The following OXR1 variants were observed in gnomAD, a reference collection of about 807,000 sequenced individuals.
OXR1 encodes the protein oxidation resistance 1.
OXR1 carries 41 observed loss-of-function variants against 104.6 expected under a neutral mutation model. That is an observed-to-expected ratio of 0.39 (90% CI 0.31 to 0.51). The LOEUF (loss-of-function observed/expected upper bound fraction) is 0.51. OXR1 is among the 20% of genes least tolerant of loss of function. The pLI is 0.77. For synonymous variants in OXR1, 348 were observed against 348.4 expected, an observed-to-expected ratio of 1.00 and a Z score of 0.01; for missense variants, 955 against 1,031.9, an observed-to-expected ratio of 0.93 and a Z score of 1.02.
intron 2 of OXR1, among the ~76,000 whole-genome samples, chr8:106,423,936 TG>T (rs1443760880): frequency 1.3e-5 from 2 of 152,126 alleles, no homozygotes; most frequent in African/African-American, 4.8e-5. Context: ...CTTGATTTTT[TG>T]TTTGTTTTTG....
chr8:106,295,243 C>T (rs149477880), intron 1 of OXR1, among the ~76,000 whole-genome samples: 106 of 152,174 alleles, frequency 7.0e-4, no homozygotes, highest in African/African-American at 2.4e-3. Context: ...GTTGCAACCT[C>T]AAATATAAGG....
intron 2 of OXR1, among the ~76,000 whole-genome samples, chr8:106,514,647 A>G (rs897379468): frequency 6.6e-6 from 1 of 152,146 alleles, no homozygotes; most frequent in East Asian, 1.9e-4. Flanking sequence ...AGATGCTTAT[A>G]TATTTTGTAG....
intron 2 of OXR1, among the ~76,000 whole-genome samples, chr8:106,409,692 C>T (rs963217992): frequency 5.9e-5 from 9 of 152,052 alleles, no homozygotes; most frequent in African/African-American, 2.2e-4. Context: ...TTTATTTTAG[C>T]GGGATGATAT....
intron 1 of OXR1, among the ~76,000 whole-genome samples, chr8:106,271,212 A>G (rs1357561798): frequency 1.1e-4 from 16 of 152,154 alleles, no homozygotes; most frequent in Admixed American, 1.0e-3. Context: ...TAGTACTGTT[A>G]TCTGAGGTTC....
At chr8:106,668,135 A>G (rs1273431620) in intron 3 of OXR1, among the ~76,000 whole-genome samples, 1 of 152,086 alleles carries the variant, frequency 6.6e-6, no homozygotes, top group Non-Finnish European at 1.5e-5. Flanking sequence ...TACATTGTCC[A>G]TGTTTGTAAC....
intron 7 of OXR1, among the ~76,000 whole-genome samples, chr8:106,693,226 C>T (rs948870688): frequency 6.6e-6 from 1 of 151,912 alleles, no homozygotes; most frequent in African/African-American, 2.4e-5. Context: ...AGGAAGATAT[C>T]TAGTATTTAT....
At chr8:106,297,706 G>A (rs1813059199) in intron 1 of OXR1, among the ~76,000 whole-genome samples, 1 of 152,138 alleles carries the variant, frequency 6.6e-6, no homozygotes, top group East Asian at 1.9e-4. Flanking sequence ...CCTGCTGTTT[G>A]GGGGACACTA....
At chr8:106,272,388 A>T (rs1811856275) in intron 1 of OXR1, 2 of 152,244 alleles carry the variant, frequency 1.3e-5, no homozygotes, top group Admixed American at 1.3e-4. Flanking sequence ...CAAAGAAGGG[A>T]GAGCAAGCAC....
At chr8:106,342,904 A>G (rs1021107528) in intron 1 of OXR1, among the ~76,000 whole-genome samples, 1 of 152,144 alleles carries the variant, frequency 6.6e-6, no homozygotes, top group Non-Finnish European at 1.5e-5. Context: ...AAAAGAGTAT[A>G]CTCTAAATCT....
At chr8:106,613,182 G>A (rs1331539505) in intron 3 of OXR1, among the ~76,000 whole-genome samples, 1 of 152,068 alleles carries the variant, frequency 6.6e-6, no homozygotes, top group Non-Finnish European at 1.5e-5. Flanking sequence ...TCACACAGAG[G>A]GAAAGAGGAG....
At chr8:106,748,805 G>A (rs1383697660) in intron 16 of OXR1, among the ~76,000 whole-genome samples, 1 of 151,094 alleles carries the variant, frequency 6.6e-6, no homozygotes, top group Non-Finnish European at 1.5e-5. Context: ...ACTGACCTCA[G>A]GGGATCCACC....
chr8:106,712,150 T>C (rs530678448), intron 10 of OXR1, among the ~76,000 whole-genome samples: 10 of 152,106 alleles, frequency 6.6e-5, no homozygotes, highest in Admixed American at 2.0e-4. Flanking sequence ...GAGTTTCATT[T>C]TAATAATGTC....
chr8:106,334,267 G>A (rs1390259240), intron 1 of OXR1, among the ~76,000 whole-genome samples: 1 of 151,952 alleles, frequency 6.6e-6, no homozygotes, highest in African/African-American at 2.4e-5. Flanking sequence ...TTTGTTCATT[G>A]GTAGTGTATG....
At chr8:106,581,102 A>G (rs2130626401) in intron 3 of OXR1, 1 of 1,235,530 alleles carries the variant, frequency 8.1e-7, no homozygotes, top group African/African-American at 1.6e-5. Flanking sequence ...ATATGGTGCT[A>G]TTCAAAGACA....
intron 1 of OXR1, among the ~76,000 whole-genome samples, chr8:106,345,610 G>A (rs565327195): frequency 1.3e-5 from 2 of 152,298 alleles, no homozygotes; most frequent in Non-Finnish European, 1.5e-5. Context: ...AAAAGCCTGT[G>A]AAGAAAGTTG....
chr8:106,396,832 A>C (rs1372583553), intron 2 of OXR1, among the ~76,000 whole-genome samples: 1 of 152,144 alleles, frequency 6.6e-6, no homozygotes, highest in Non-Finnish European at 1.5e-5. Flanking sequence ...AGGAGAAACT[A>C]GATGAAGGGT....
intron 2 of OXR1, among the ~76,000 whole-genome samples, chr8:106,495,871 C>G (rs1357027972): frequency 6.6e-6 from 1 of 152,074 alleles, no homozygotes; most frequent in African/African-American, 2.4e-5. Flanking sequence ...TATCTAGCAG[C>G]AGATCAAGTA....
At chr8:106,560,326 C>T (rs983173492) in intron 3 of OXR1, among the ~76,000 whole-genome samples, 1 of 152,114 alleles carries the variant, frequency 6.6e-6, no homozygotes, top group Admixed American at 6.6e-5. Context: ...AGATTTCTGC[C>T]CTGTAAGCTG....
At chr8:106,593,208 G>A (rs148201556) in intron 3 of OXR1, among the ~76,000 whole-genome samples, 12 of 152,194 alleles carry the variant, frequency 7.9e-5, no homozygotes, top group African/African-American at 2.6e-4. Flanking sequence ...TGAGATCAAG[G>A]GCTAGGACTT....
Sources: allele counts gnomAD v4.1 joint callset (sites outside exome capture counted in the v4.1 genomes callset), GRCh38; gene constraint gnomAD v4.1.1; transcripts MANE v1.5; gene names NCBI Gene and HGNC (gene_info 2026-07-23, HGNC 2026-07-21).